SCN2A: variants seen among roughly 807,000 people sequenced by gnomAD.
The protein encoded by SCN2A is sodium channel protein type 2 subunit alpha.
Under a neutral mutation model 188.7 loss-of-function variants are expected in SCN2A, and 20 were observed. The ratio of observed to expected loss-of-function variants is 0.11; its 90% CI spans 0.07 to 0.15. The LOEUF is 0.15. Ranked by LOEUF, SCN2A falls within the 10% of genes least tolerant of loss-of-function variation. The pLI, the probability that SCN2A is intolerant of heterozygous loss-of-function variation, is 1.00. For missense variants in SCN2A, 1,278 were observed against 2,445.0 expected (o/e 0.52, Z 10.07); for synonymous variants, 804 against 833.1 (o/e 0.97, Z 0.60).
chr2:165,297,216 T>C, intron 3 of SCN2A, 81 bp downstream of exon 3: 1 of 819,338 alleles, frequency 1.2e-6, no homozygotes, highest in Non-Finnish European at 2.1e-6. Flanking sequence ...AAAATATCTG[T>C]GGTTGGCAAT....
intron 1 of SCN2A, among the ~76,000 whole-genome samples, chr2:165,252,949 G>T (rs1359857649): frequency 6.6e-6 from 1 of 151,986 alleles, no homozygotes; most frequent in Non-Finnish European, 1.5e-5. Context: ...TGGTTAATAG[G>T]CATTTTGTTC....
At chr2:165,339,657 G>T (rs1179954643) in intron 14 of SCN2A, among the ~76,000 whole-genome samples, 1 of 152,070 alleles carries the variant, frequency 6.6e-6, no homozygotes, top group Non-Finnish European at 1.5e-5. Context: ...AATAATTACA[G>T]AAGATTTAAA....
chr2:165,306,030 C>A (rs561478489), intron 3 of SCN2A, among the ~76,000 whole-genome samples: 18 of 152,032 alleles, frequency 1.2e-4, no homozygotes, highest in Non-Finnish European at 1.9e-4. Flanking sequence ...TCCAGAATAC[C>A]GGTGGAGGGA....
chr2:165,241,216 T>A (rs1032185682), intron 1 of SCN2A: 1 of 152,112 alleles, frequency 6.6e-6, no homozygotes, highest in African/African-American at 2.4e-5. Context: ...AGTATACTGT[T>A]GCTCAATGGC....
chr2:165,302,609 T>C (rs1268142588), intron 3 of SCN2A, among the ~76,000 whole-genome samples: 1 of 152,208 alleles, frequency 6.6e-6, no homozygotes, highest in Non-Finnish European at 1.5e-5. Context: ...TCTTAGTGGA[T>C]AATGACTGTA....
In SCN2A at chr2:165,334,606, T is replaced by C. The variant is rs567333471; in HGVS notation, c.2388+3038T>C. Among the ~76,000 whole-genome samples, 5 of 151,800 alleles carry C rather than the reference T, an allele frequency of 3.3e-5. No homozygotes were observed. The South Asian group carries it at 1.0e-3, about 32-fold the overall frequency. Reference sequence around the variant, plus strand: ...ATAAAAACACTCAGCAAACTTGAAATAGAAAAGAACTTCAGCCTGATAAAC... The same window carrying C: ...ATAAAAACACTCAGCAAACTTGAAACAGAAAAGAACTTCAGCCTGATAAAC... On this transcript the variant is annotated intron_variant, in intron 14 of 26. Transcript: ENST00000375437.
chr2:165,367,119 G>A (rs1700770592), intron 18 of SCN2A, 98 bp from the exon 19 acceptor site: 1 of 1,131,354 alleles, frequency 8.8e-7, no homozygotes, highest in Non-Finnish European at 1.3e-6. Context: ...TATTTACAAT[G>A]TATTATCAGG....
chr2:165,271,271 A>C (rs918888522), intron 1 of SCN2A: 1 of 152,148 alleles, frequency 6.6e-6, no homozygotes, highest in African/African-American at 2.4e-5. Context: ...GCAAAGACCC[A>C]GAAGGAGCCA....
chr2:165,359,551 G>T (rs1700349259), intron 17 of SCN2A, among the ~76,000 whole-genome samples: 1 of 152,014 alleles, frequency 6.6e-6, no homozygotes, highest in Admixed American at 6.6e-5. Flanking sequence ...AAAAGTCTAT[G>T]ATTCTCCCTC....
Position 165,389,558 on chromosome 2 carries a change from C to A in SCN2A, c.5752C>A (p.Arg1918Ser), listed in dbSNP as rs139899756. The A allele has an allele frequency of 1.2e-6, 2 of 1,613,850 alleles. No homozygotes were observed. Among genetic ancestry groups the A allele is most frequent in the South Asian group, 1.1e-5 (1 of 91,072 alleles). ...SAIIIQRAYR[R>S]YLLKQKVKKV... The stretch of plus-strand genomic sequence containing the variant: ...TATTATTATCCAGAGGGCTTACAGA[C>A]GCTACCTCTTGAAGCAAAAAGTTAA... Residue 1918 changes from arginine (R) to serine (S), a missense_variant, in exon 27 of 27, where the codon CGC becomes AGC. Arg to Ser is a moderately radical substitution (Grantham distance 110, BLOSUM62 -1). Transcript: ENST00000375437. This position sits in a 1 kb window ranked among gnomAD's most constrained non-coding sequence, Gnocchi z 4.2.
At chr2:165,266,773 G>A (rs576509045) in intron 1 of SCN2A, 1 of 151,972 alleles carries the variant, frequency 6.6e-6, no homozygotes, top group South Asian at 2.1e-4. Context: ...ATCTGATTGT[G>A]TCTGTACAAA....
intron 1 of SCN2A, among the ~76,000 whole-genome samples, chr2:165,254,379 G>T (rs909728244): frequency 6.6e-6 from 1 of 151,538 alleles, no homozygotes; most frequent in African/African-American, 2.4e-5. Flanking sequence ...AATGATATTG[G>T]CTGTAGATTT....
At chr2:165,380,910 T>C (rs1296399433) in intron 24 of SCN2A, 181 bp downstream of exon 24, 1 of 697,270 alleles carries the variant, frequency 1.4e-6, no homozygotes, top group East Asian at 2.7e-5. Context: ...GTTTTTGATA[T>C]TTTTAGTCTA....
At chr2:165,266,451 G>C (rs1401547588) in intron 1 of SCN2A, 1 of 152,098 alleles carries the variant, frequency 6.6e-6, no homozygotes, top group East Asian at 1.9e-4. Flanking sequence ...AGAAGATGAA[G>C]ATGAGTAAGG....
chr2:165,314,585 CTCTTTT>C (rs1416523797), intron 10 of SCN2A, among the ~76,000 whole-genome samples: 2 of 152,138 alleles, frequency 1.3e-5, no homozygotes, highest in Admixed American at 1.3e-4. Flanking sequence ...AATATTTGTT[CTCTTTT>C]ATATAAAGTG....
At chr2:165,305,220 C>T (rs1197827471) in intron 3 of SCN2A, among the ~76,000 whole-genome samples, 1 of 152,108 alleles carries the variant, frequency 6.6e-6, no homozygotes. Flanking sequence ...TTATAAGACA[C>T]AGAGACGTCA....
At chr2:165,295,127 T>G (rs1187011705) in intron 1 of SCN2A, among the ~76,000 whole-genome samples, 1 of 152,180 alleles carries the variant, frequency 6.6e-6, no homozygotes, top group Non-Finnish European at 1.5e-5. Flanking sequence ...GGTCCCTTCC[T>G]GTGCAGCTTC....
At chr2:165,354,708 T>A in intron 17 of SCN2A, 37 bp downstream of exon 17, 2 of 1,602,568 alleles carry the variant, frequency 1.2e-6, no homozygotes, top group Non-Finnish European at 1.7e-6. Flanking sequence ...TTTGGTGTTA[T>A]ATAATTCTGT....
At chr2:165,385,801 C>A (rs996988516) in intron 25 of SCN2A, among the ~76,000 whole-genome samples, 5 of 151,648 alleles carry the variant, frequency 3.3e-5, no homozygotes, top group African/African-American at 1.2e-4. Flanking sequence ...AGAAATCAGA[C>A]GAAAAATTTA....
Sources: allele counts gnomAD v4.1 joint callset (sites outside exome capture counted in the v4.1 genomes callset), GRCh38; gene constraint gnomAD v4.1.1; non-coding constraint Gnocchi (gnomAD v3.1); transcripts MANE v1.5; gene names NCBI Gene and HGNC (gene_info 2026-07-23, HGNC 2026-07-21).